Variants in SCARA5 observed in about 807,000 individuals in gnomAD.
SCARA5 encodes the protein scavenger receptor class A member 5, also known as scavenger receptor class A, member 5 (putative).
Under a neutral mutation model 46.3 loss-of-function variants are expected in SCARA5, and 45 were observed. That is an observed-to-expected ratio of 0.97 (90% CI 0.76 to 1.24). SCARA5 has a LOEUF of 1.24. Ranked by LOEUF, SCARA5 falls within the 50% of genes most tolerant of loss-of-function variation. The pLI, the probability that SCARA5 is intolerant of heterozygous loss-of-function variation, is 0.00. For missense variants in SCARA5, 680 were observed against 689.0 expected, an observed-to-expected ratio of 0.99 and a Z score of 0.15; for synonymous variants, 333 against 306.5, an observed-to-expected ratio of 1.09 and a Z score of -0.90.
At chr8:27,961,363 C>T (rs1433397757) in intron 3 of SCARA5, among the ~76,000 whole-genome samples, 1 of 152,170 alleles carries the variant, frequency 6.6e-6, no homozygotes, top group African/African-American at 2.4e-5. Flanking sequence ...TTTCTTGCCA[C>T]ATGACGTGCC....
At chr8:27,892,411 C>G (rs979327660) in intron 7 of SCARA5, among the ~76,000 whole-genome samples, 2 of 152,142 alleles carry the variant, frequency 1.3e-5, no homozygotes, top group Non-Finnish European at 2.9e-5. Context: ...GAATCCCATG[C>G]ACCCATCTGA....
At chr8:27,919,982 T>C (rs557876670) in intron 4 of SCARA5, among the ~76,000 whole-genome samples, 78 of 150,976 alleles carry the variant, frequency 5.2e-4, no homozygotes, top group African/African-American at 1.9e-3. Flanking sequence ...ACAGTGGGCT[T>C]TGAGCAGGGG....
At position 27,986,051 on chromosome 8, in the gene SCARA5, A is replaced by G. The variant is rs564054681; in HGVS notation, c.112+1453T>C. Among the ~76,000 whole-genome samples the G allele has an allele frequency of 3.9e-5, 6 of 152,280 alleles. No individual in the cohort carries two copies. The East Asian group carries it at 9.6e-4, about 24-fold the overall frequency. On this transcript the variant is annotated intron_variant, in intron 2 of 8. Transcript: ENST00000354914. The stretch of plus-strand genomic sequence containing the variant: ...AGGCTGGCCCTGATAGTCCTCTCCA[A>G]TCACCCCACTGTGCTGTACCCAGTC...
At chr8:27,949,442 G>A (rs1808087958) in intron 3 of SCARA5, among the ~76,000 whole-genome samples, 1 of 152,224 alleles carries the variant, frequency 6.6e-6, no homozygotes, top group Non-Finnish European at 1.5e-5. Context: ...CAGTGGGTGA[G>A]GCTCAAGTAA....
At chr8:27,966,315 G>A (rs11780263) in intron 3 of SCARA5, 99 bp downstream of exon 3, 244,720 of 1,230,284 alleles carry the variant, frequency 0.2, 25,828 homozygotes, top group East Asian at 0.38. Context: ...ATGGTGACAA[G>A]GGCAGTGTTT....
chr8:27,874,701 G>A (rs1056422793), intron 8 of SCARA5, among the ~76,000 whole-genome samples: 4 of 152,230 alleles, frequency 2.6e-5, no homozygotes, highest in East Asian at 1.9e-4. Flanking sequence ...AGGACAAGAG[G>A]AGGTAATAAT....
At chr8:27,899,491 G>A (rs1807115757) in intron 7 of SCARA5, among the ~76,000 whole-genome samples, 1 of 152,248 alleles carries the variant, frequency 6.6e-6, no homozygotes. Context: ...AGGAGCAGAA[G>A]AGAAACTTGG....
Position 27,962,174 on chromosome 8 carries a change from G to A in SCARA5, c.241+4240C>T, listed in dbSNP as rs569617493. On this transcript the variant is annotated intron_variant, in intron 3 of 8. Coordinates refer to ENST00000354914, the MANE Select transcript of SCARA5 (RefSeq NM_173833.6). ...CCTGAAGTCTCTATACTTGCTGCAG[G>A]TGGACCACAATTCTGTCCCCAGGTT... Among the ~76,000 whole-genome samples, 41 of 152,298 alleles carry A rather than the reference G, an allele frequency of 2.7e-4. 1 individual carries two copies. The South Asian group carries it at 8.1e-3, about 30-fold the overall frequency.
chr8:27,960,172 G>A (rs539956047), intron 3 of SCARA5, among the ~76,000 whole-genome samples: 1 of 134,528 alleles, frequency 7.4e-6, no homozygotes, highest in East Asian at 2.2e-4. Flanking sequence ...AATATTTCTG[G>A]AGCACTTTTT....
chr8:27,921,772 C>T lies in SCARA5; in HGVS notation c.715G>A (p.Ala239Thr). The change falls in exon 4 of 9, where the codon GCC (alanine) becomes ACC (threonine). Residue 239 changes from alanine (A) to threonine (T), a missense_variant. Physicochemically the swap from Ala to Thr is moderately conservative, Grantham distance 58. This residue lies in a region of SCARA5 where 438 missense variants were observed against 384.5 expected (regional missense o/e 1.14). Transcript: ENST00000354914. ...GLNHSLSYDVALHRTRLQDLR... is the reference protein window; with the variant it reads ...GLNHSLSYDVTLHRTRLQDLR... ...TCCTGCAGCCGCGTGCGGTGGAGGG[C>T]CACGTCGTAGGACAGGCTGTGGTTG... 4 of 1,575,428 alleles carry T rather than the reference C, an allele frequency of 2.5e-6. No individual in the cohort carries two copies. In the South Asian group the frequency reaches 3.5e-5, roughly 14 times the overall value.
intron 7 of SCARA5, among the ~76,000 whole-genome samples, chr8:27,896,758 G>C (rs1807070422): frequency 6.6e-6 from 1 of 152,156 alleles, no homozygotes; most frequent in Admixed American, 6.5e-5. Context: ...GGCTTCGTCT[G>C]TCTCTTTCTT....
At chr8:27,934,657 G>A (rs546923348) in intron 3 of SCARA5, among the ~76,000 whole-genome samples, 2 of 152,304 alleles carry the variant, frequency 1.3e-5, no homozygotes, top group South Asian at 2.1e-4. Flanking sequence ...CTGGGTCATG[G>A]ATTCATCTCC....
At chr8:27,954,180 G>GCT (rs1346367959) in intron 3 of SCARA5, among the ~76,000 whole-genome samples, 1 of 152,122 alleles carries the variant, frequency 6.6e-6, no homozygotes, top group Admixed American at 6.5e-5. Flanking sequence ...AGGACCCTCT[G>GCT]CTGTCAGGGA....
At chr8:27,912,700 A>G (rs933762343) in intron 4 of SCARA5, among the ~76,000 whole-genome samples, 2 of 152,190 alleles carry the variant, frequency 1.3e-5, no homozygotes, top group East Asian at 1.9e-4. Context: ...TGCTCCAGGA[A>G]CTGAGCTGGT....
chr8:27,913,136 G>C (rs1807403898), intron 4 of SCARA5, among the ~76,000 whole-genome samples: 2 of 152,208 alleles, frequency 1.3e-5, no homozygotes, highest in Admixed American at 1.3e-4. Flanking sequence ...GTCATCCAAG[G>C]AGAGGCAGGG....
rs1807751050 is a variant in SCARA5 at position 27,930,411 on chromosome 8, T to TC, written c.242-8167_242-8166insG. Among the ~76,000 whole-genome samples the TC allele has an allele frequency of 2.6e-5, 4 of 152,280 alleles. No individual in the cohort carries two copies. In the South Asian group the frequency reaches 8.3e-4, roughly 32 times the overall value. ...ACTGTGAGTCTATTAAACTTCTTTT[T>TC]TTTTTTTTGAGACGGAGTTTCATTC... On this transcript the variant is annotated intron_variant, in intron 3 of 8. Coordinates refer to ENST00000354914, the MANE Select transcript of SCARA5 (RefSeq NM_173833.6).
intron 3 of SCARA5, among the ~76,000 whole-genome samples, chr8:27,928,776 CT>C (rs1285051912): frequency 3.9e-5 from 6 of 152,042 alleles, no homozygotes; most frequent in African/African-American, 1.2e-4. Flanking sequence ...AGCAATTCTC[CT>C]ACCTCAGCCT....
At chr8:27,903,548 G>A (rs1478109108) in intron 7 of SCARA5, 2 of 152,246 alleles carry the variant, frequency 1.3e-5, no homozygotes, top group African/African-American at 4.8e-5. Context: ...ATTAGTCATG[G>A]TTATCGCCCA....
At chr8:27,880,342 T>C (rs1160421108) in intron 7 of SCARA5, among the ~76,000 whole-genome samples, 1 of 149,086 alleles carries the variant, frequency 6.7e-6, no homozygotes, top group Non-Finnish European at 1.5e-5. Context: ...AAAACCAAAA[T>C]TGACAAGTGG....
Sources: gnomAD v4.1 joint callset for allele counts (sites outside exome capture counted in the v4.1 genomes callset) on GRCh38, gnomAD v4.1.1 for gene constraint, gnomAD v4.1.1 regional missense constraint, MANE v1.5 for transcripts, NCBI Gene and HGNC (gene_info 2026-07-23, HGNC 2026-07-21) for gene names.